Variants in COL14A1 observed in about 807,000 individuals in gnomAD.
COL14A1 encodes collagen type XIV alpha 1 chain, also known as collagen alpha-1(XIV) chain.
Under a neutral mutation model 230.3 loss-of-function variants are expected in COL14A1, and 136 were observed. That is an observed-to-expected ratio of 0.59 (90% CI 0.51 to 0.68). COL14A1 has a LOEUF of 0.68. COL14A1 is among the 30% of genes least tolerant of loss of function. The probability of loss-of-function intolerance (pLI) is 0.00; values close to 1 mark genes in which losing one functional copy is unlikely to be tolerated. For missense variants in COL14A1, 1,976 were observed against 2,215.8 expected, an observed-to-expected ratio of 0.89 and a Z score of 2.17; for synonymous variants, 792 against 784.1, an observed-to-expected ratio of 1.01 and a Z score of -0.17.
At chr8:120,235,919 G>A (rs1296253158) in intron 19 of COL14A1, among the ~76,000 whole-genome samples, 1 of 152,182 alleles carries the variant, frequency 6.6e-6, no homozygotes, top group African/African-American at 2.4e-5. Context: ...CCATGTAGTT[G>A]TGCAGTTTTG....
In COL14A1 at chr8:120,369,395, C is replaced by T. The variant is rs986167698; in HGVS notation, c.5221C>T (p.Pro1741Ser). Reference protein sequence around the residue: ...PPGSPGPRGPPGHLGVPGPQG... With the variant: ...PPGSPGPRGPSGHLGVPGPQG... Reference sequence around the variant, plus strand: ...TGGCTCTCCTGGACCAAGAGGCCCACCAGGTCATCTGGGGGTTCCTGGACC... The same window carrying T: ...TGGCTCTCCTGGACCAAGAGGCCCATCAGGTCATCTGGGGGTTCCTGGACC... Residue 1741 changes from proline (P) to serine (S), a missense_variant, in exon 47 of 48, where the codon CCA becomes TCA. By Grantham distance (74) the Pro-to-Ser change is moderately conservative. Transcript: ENST00000297848. The T allele has an allele frequency of 6.8e-6, 11 of 1,610,494 alleles. No individual in the cohort carries two copies. The highest frequency in any genetic ancestry group is 9.3e-6 in the Non-Finnish European group (11 of 1,178,434).
intron 31 of COL14A1, among the ~76,000 whole-genome samples, chr8:120,281,927 A>G (rs1384065480): frequency 6.6e-6 from 1 of 152,208 alleles, no homozygotes; most frequent in Non-Finnish European, 1.5e-5. Context: ...TGCATTACTT[A>G]GCTACTTTAT....
At chr8:120,158,276 CA>C (rs1156737622) in intron 3 of COL14A1, 30 bp downstream of exon 3, 2 of 1,291,430 alleles carry the variant, frequency 1.5e-6, no homozygotes, top group African/African-American at 2.9e-5. Context: ...TTTTGTAGAG[CA>C]TTAGCAACTT....
intron 13 of COL14A1, among the ~76,000 whole-genome samples, chr8:120,215,943 T>C (rs1817737380): frequency 6.6e-6 from 1 of 152,198 alleles, no homozygotes. Flanking sequence ...TCATTTTACA[T>C]GTGGAAAATT....
intron 22 of COL14A1, among the ~76,000 whole-genome samples, chr8:120,253,289 G>A (rs985539869): frequency 2.6e-5 from 4 of 152,070 alleles, no homozygotes; most frequent in South Asian, 2.1e-4. Context: ...GATTACAGGC[G>A]TGAGCCACTA....
intron 18 of COL14A1, among the ~76,000 whole-genome samples, chr8:120,231,204 A>G (rs1480560604): frequency 6.6e-6 from 1 of 152,098 alleles, no homozygotes; most frequent in Non-Finnish European, 1.5e-5. Context: ...AGTTCTCTTT[A>G]CTAGTGCACA....
chr8:120,183,951 T>G (rs1010117913), intron 5 of COL14A1, among the ~76,000 whole-genome samples: 4 of 152,168 alleles, frequency 2.6e-5, no homozygotes, highest in Non-Finnish European at 5.9e-5. Flanking sequence ...GGTTTGAATT[T>G]GAATTCAGCT....
chr8:120,255,164 A>G, intron 22 of COL14A1, 76 bp from the exon 23 acceptor site: 1 of 1,204,284 alleles, frequency 8.3e-7, no homozygotes, highest in Non-Finnish European at 1.2e-6. Context: ...AAATTTTTCC[A>G]GAAGTTAATT....
intron 36 of COL14A1, among the ~76,000 whole-genome samples, chr8:120,305,162 T>C (rs1820821703): frequency 6.6e-6 from 1 of 152,150 alleles, no homozygotes; most frequent in Admixed American, 6.5e-5. Context: ...GCATTTTTAG[T>C]AGAGATGGGG....
At position 120,290,827 on chromosome 8, in the gene COL14A1, A is replaced by G. The variant is rs189026536; in HGVS notation, c.4236+1061A>G. On this transcript the variant is annotated intron_variant, in intron 34 of 47. Transcript: ENST00000297848. ...CATTTATTTTTGTGGTAACAATAGA[A>G]GTGAATGGTAGCAATGTGTCCCCTT... 5.3e-4 allele frequency among the ~76,000 whole-genome samples: 80 copies of G among 152,350 alleles called. 1 individual carries two copies. The highest frequency in any genetic ancestry group is 1.8e-3 in the African/African-American group (75 of 41,588).
chr8:120,280,858 TTAAAATTC>T, intron 30 of COL14A1, 55 bp from the exon 31 acceptor site: 1 of 1,482,264 alleles, frequency 6.7e-7, no homozygotes, highest in African/African-American at 1.4e-5. Context: ...ATATTAAAAT[TTAAAATTC>T]TAAAGTGCCA....
rs144036689 is a variant in COL14A1, at chr8:120,273,608, C to A, written c.3213+3434C>A. Reference sequence around the variant, plus strand: ...TCTCAATTAGAAATGAAAATAGAGACATTACAACCAACACCACAGAAATGC... The same window carrying A: ...TCTCAATTAGAAATGAAAATAGAGAAATTACAACCAACACCACAGAAATGC... On this transcript the variant is annotated intron_variant, in intron 26 of 47. Transcript: ENST00000297848. 2.2e-3 allele frequency among the ~76,000 whole-genome samples: 336 copies of A among 151,578 alleles called. 2 individuals are homozygous for A. The highest frequency in any genetic ancestry group is 7.7e-3 in the African/African-American group (321 of 41,458).
intron 44 of COL14A1, 71 bp downstream of exon 44, chr8:120,342,517 A>G (rs1822341835): frequency 4.2e-6 from 6 of 1,432,016 alleles, no homozygotes; most frequent in Non-Finnish European, 4.9e-6. Context: ...TTCTTTTCCC[A>G]TGAGCGTACC....
intron 19 of COL14A1, among the ~76,000 whole-genome samples, chr8:120,233,850 C>T (rs201030735): frequency 1.3e-4 from 20 of 151,960 alleles, no homozygotes; most frequent in East Asian, 1.2e-3. Context: ...TCTAATTCTG[C>T]GAAAAAAGTC....
At chr8:120,289,510 C>G in intron 33 of COL14A1, 98 bp from the exon 34 acceptor site, 1 of 1,106,586 alleles carries the variant, frequency 9.0e-7, no homozygotes, top group Non-Finnish European at 1.3e-6. Flanking sequence ...TCTTTCTCTT[C>G]TCTTTCATAC....
At chr8:120,193,017 T>G (rs1297821785) in intron 5 of COL14A1, among the ~76,000 whole-genome samples, 1 of 152,212 alleles carries the variant, frequency 6.6e-6, no homozygotes, top group African/African-American at 2.4e-5. Context: ...CGGAGTAATT[T>G]GATCGTCTGA....
chr8:120,154,912 G>A (rs1436045822), intron 2 of COL14A1, among the ~76,000 whole-genome samples: 2 of 152,154 alleles, frequency 1.3e-5, no homozygotes, highest in Admixed American at 6.5e-5. Flanking sequence ...AAGCATTTCT[G>A]TCAATCCTGC....
intron 5 of COL14A1, 66 bp downstream of exon 5, chr8:120,168,313 A>C: frequency 1.3e-4 from 155 of 1,148,860 alleles, no homozygotes; most frequent in Non-Finnish European, 1.8e-4. Context: ...GGCAATACTC[A>C]CATGTGGGGT....
chr8:120,237,175 G>A (rs7832461), intron 19 of COL14A1, among the ~76,000 whole-genome samples: 70,519 of 151,972 alleles, frequency 0.46, 17,054 homozygotes, highest in African/African-American at 0.6. Context: ...GGTTGGGGAA[G>A]TTCTCCTGGA....
Sources: gnomAD v4.1 joint callset for allele counts (sites outside exome capture counted in the v4.1 genomes callset) on GRCh38, gnomAD v4.1.1 for gene constraint, MANE v1.5 for transcripts, NCBI Gene and HGNC (gene_info 2026-07-23, HGNC 2026-07-21) for gene names.